Variants in LPCAT2 observed in about 807,000 individuals in gnomAD.
The protein encoded by LPCAT2 is 1-AGP acyltransferase 11.
Under a neutral mutation model 64.7 loss-of-function variants are expected in LPCAT2, and 58 were observed. That is an observed-to-expected ratio of 0.90 (90% CI 0.73 to 1.12). The LOEUF is 1.12. LPCAT2 is among the 50% of genes most tolerant of loss of function. LPCAT2 has a pLI of 0.00. For missense variants in LPCAT2, 579 were observed against 669.8 expected, an observed-to-expected ratio of 0.86 and a Z score of 1.50; for synonymous variants, 252 against 245.3, an observed-to-expected ratio of 1.03 and a Z score of -0.26.
rs143204800 is a variant in LPCAT2 at position 55,526,838 on chromosome 16, A to G, written c.311+1191A>G. ...AGAAAAGAAAGTTTTACTTTTGTCA[A>G]TTAAACTAGTATCTCTTTCTCCTCT... On this transcript the variant is annotated intron_variant, in intron 2 of 13. Transcript: ENST00000262134. Among the ~76,000 whole-genome samples, 965 of 152,348 alleles carry G rather than the reference A, an allele frequency of 6.3e-3. 20 individuals carry two copies. Among genetic ancestry groups the G allele is most frequent in the African/African-American group, 0.022 (912 of 41,576 alleles).
At chr16:55,536,122 A>C (rs1359427174) in intron 7 of LPCAT2, among the ~76,000 whole-genome samples, 1 of 152,168 alleles carries the variant, frequency 6.6e-6, no homozygotes, top group Non-Finnish European at 1.5e-5. Flanking sequence ...CATCTACTTA[A>C]TATTATTAGC....
intron 11 of LPCAT2, chr16:55,566,759 G>A (rs373677019): frequency 1.2e-6 from 2 of 1,601,950 alleles, no homozygotes; most frequent in South Asian, 1.1e-5. Flanking sequence ...CTGAAAGCAT[G>A]TTTCTTGCAA....
intron 11 of LPCAT2, chr16:55,566,628 G>A: frequency 1.1e-6 from 1 of 935,614 alleles, no homozygotes; most frequent in Non-Finnish European, 1.6e-6. Context: ...ATCACATCAT[G>A]GGGCGTGGTG....
chr16:55,541,529 C>T (rs193115639), intron 8 of LPCAT2: 1 of 164,686 alleles, frequency 6.1e-6, no homozygotes, highest in Non-Finnish European at 1.3e-5. Flanking sequence ...TACACACACA[C>T]ACACACACCC....
rs1393815873 is a variant in LPCAT2, at chr16:55,529,931, G to A, written c.626G>A (p.Gly209Glu). 6.2e-7 allele frequency: 1 copy of A among 1,610,170 alleles called. No homozygotes were observed. The highest frequency in any genetic ancestry group is 1.1e-5 in the South Asian group (1 of 90,436). ...GAAATAATAAAGCGAACAACATCAG[G>A]AGGAGAATGGCCCCAGGTAAAACAT... ...INEIIKRTTS[G>E]GEWPQILVFP... is the part of the protein sequence containing the mutation. The change falls in exon 4 of 14, where the codon GGA becomes GAA. Residue 209 changes from glycine (G) to glutamate (E), a missense_variant. Physicochemically the swap from Gly to Glu is moderately conservative, Grantham distance 98 (BLOSUM62 -2). Coordinates refer to ENST00000262134, the MANE Select transcript of LPCAT2 (RefSeq NM_017839.5).
At chr16:55,518,297 C>A (rs1963042418) in intron 1 of LPCAT2, among the ~76,000 whole-genome samples, 1 of 151,688 alleles carries the variant, frequency 6.6e-6, no homozygotes, top group South Asian at 2.1e-4. Context: ...GGGAAGACAT[C>A]CTGTGTTCAT....
chr16:55,560,122 A>G (rs555743796), intron 11 of LPCAT2, among the ~76,000 whole-genome samples: 1 of 152,310 alleles, frequency 6.6e-6, no homozygotes, highest in Non-Finnish European at 1.5e-5. Context: ...ACAAGGAAGT[A>G]AAGAACAAGG....
chr16:55,528,310 A>G, intron 2 of LPCAT2, 67 bp from the exon 3 acceptor site: 1 of 1,245,948 alleles, frequency 8.0e-7, no homozygotes, highest in Non-Finnish European at 1.1e-6. Flanking sequence ...TTATTGTATT[A>G]TAGAGTAAAA....
chr16:55,571,664 T>C (rs1162397180), intron 11 of LPCAT2, among the ~76,000 whole-genome samples: 1 of 152,126 alleles, frequency 6.6e-6, no homozygotes, highest in Non-Finnish European at 1.5e-5. Context: ...CCTGGGGACC[T>C]CAGTAGGTTT....
At chr16:55,561,817 C>A (rs1265323764) in intron 11 of LPCAT2, among the ~76,000 whole-genome samples, 9 of 151,832 alleles carry the variant, frequency 5.9e-5, no homozygotes, top group Non-Finnish European at 1.3e-4. Context: ...TTAAAGAAGA[C>A]ATTTGGTTTT....
intron 11 of LPCAT2, among the ~76,000 whole-genome samples, chr16:55,572,428 G>T (rs756200810): frequency 1.3e-5 from 2 of 152,146 alleles, no homozygotes; most frequent in Admixed American, 6.6e-5. Flanking sequence ...TTGCTTAGTG[G>T]AAAAAGCTAA....
At position 55,549,196 on chromosome 16, in the gene LPCAT2, GA is replaced by G. The variant is rs1160383061; in HGVS notation, c.936-79del. On this transcript the variant is annotated intron_variant, in intron 9 of 13. Transcript: ENST00000262134. ...ATACTTTTTCATTTGCTGTCGTTTG[GA>G]ACCAGTTAAAGCCTAGTGAAATATG... The G allele has an allele frequency of 1.2e-5, 14 of 1,163,158 alleles. No individual in the cohort carries two copies. The Admixed American group carries it at 1.4e-4, about 11-fold the overall frequency. The allele number at this position is 1,163,158 out of a possible 1,614,324, so 72.1% of individuals were successfully genotyped here.
In LPCAT2 at chr16:55,525,536, C is replaced by T. The variant is rs772051817; in HGVS notation, c.200C>T (p.Pro67Leu). 3 of 1,608,732 alleles carry T rather than the reference C, an allele frequency of 1.9e-6. No homozygotes were observed. Among genetic ancestry groups the T allele is most frequent in the East Asian group, 2.2e-5 (1 of 44,536 alleles). Residue 67 changes from proline (P) to leucine (L), a missense_variant, in exon 2 of 14, where the codon CCA becomes CTA. Transcript: ENST00000262134. ...GTCCTTCTTGGGATTATCTTGCTTC[C>T]AATTCGTGTCTTATTGGTTGCGTTA... ...QIVLLGIILL[P>L]IRVLLVALIL...
At position 55,584,658 on chromosome 16, in the gene LPCAT2, A is replaced by G. The variant is rs1465736580; in HGVS notation, c.*1560A>G. 1 of 152,104 alleles carries G rather than the reference A, an allele frequency of 6.6e-6. No individual in the cohort carries two copies. Among genetic ancestry groups the G allele is most frequent in the Non-Finnish European group, 1.5e-5 (1 of 68,004 alleles). 9.4% of individuals were successfully genotyped at this position (152,104 alleles called of 1,614,324 possible). On this transcript the variant is annotated 3_prime_UTR_variant, in exon 14 of 14. Coordinates refer to ENST00000262134, the MANE Select transcript of LPCAT2 (RefSeq NM_017839.5). Reference sequence around the variant, plus strand: ...GATTCACCCCCAAGCTAATTTTTTAAAGTCATTTTTGAAGTTGGGAAGTCT... The same window carrying G: ...GATTCACCCCCAAGCTAATTTTTTAGAGTCATTTTTGAAGTTGGGAAGTCT...
At chr16:55,571,047 T>A (rs1963764512) in intron 11 of LPCAT2, among the ~76,000 whole-genome samples, 1 of 152,182 alleles carries the variant, frequency 6.6e-6, no homozygotes, top group African/African-American at 2.4e-5. Flanking sequence ...TATATTTCAG[T>A]TATAACATCA....
intron 1 of LPCAT2, among the ~76,000 whole-genome samples, chr16:55,510,424 C>A (rs1567387744): frequency 7.8e-6 from 1 of 127,698 alleles, no homozygotes; most frequent in African/African-American, 3.1e-5. Context: ...CCCTGCTAAC[C>A]ACATTTGTCC....
intron 9 of LPCAT2, among the ~76,000 whole-genome samples, chr16:55,547,856 C>T (rs62028769): frequency 0.021 from 3,124 of 152,154 alleles, 49 homozygotes; most frequent in South Asian, 0.032. Flanking sequence ...CAACCTCCGC[C>T]TCCTGGGTTC....
In LPCAT2 at chr16:55,509,076, G is replaced by A; in HGVS notation, c.-106G>A. The A allele has an allele frequency of 9.9e-7, 1 of 1,013,314 alleles. No homozygotes were observed. The highest frequency in any genetic ancestry group is 1.3e-6 in the Non-Finnish European group (1 of 777,178). The allele number at this position is 1,013,314 out of a possible 1,614,324, so 62.8% of individuals were successfully genotyped here. A position where few individuals can be genotyped will look rare whatever the true frequency, so the allele number is the denominator to read the frequency against. ...AAGTAACTTCAGCGCCTGCGCAGAG[G>A]CTCCCCAGCGTCGCCCTAGGCTGGG... On this transcript the variant is annotated 5_prime_UTR_variant, in exon 1 of 14. Transcript: ENST00000262134.
chr16:55,569,886 A>G (rs922411814), intron 11 of LPCAT2, among the ~76,000 whole-genome samples: 1 of 152,230 alleles, frequency 6.6e-6, no homozygotes, highest in African/African-American at 2.4e-5. Flanking sequence ...TTAAAGGCAC[A>G]TTTTTAATGT....
Sources: allele counts gnomAD v4.1 joint callset (sites outside exome capture counted in the v4.1 genomes callset), GRCh38; gene constraint gnomAD v4.1.1; transcripts MANE v1.5; gene names NCBI Gene and HGNC (gene_info 2026-07-23, HGNC 2026-07-21).